MORC3: variants seen among roughly 807,000 people sequenced by gnomAD.
MORC3 encodes the protein MORC family CW-type zinc finger protein 3.
MORC3 carries 31 observed loss-of-function variants against 109.1 expected under a neutral mutation model. The observed-to-expected ratio is 0.28, with a 90% CI of 0.21 to 0.38. The LOEUF (loss-of-function observed/expected upper bound fraction) is 0.38, where lower values mean the gene tolerates loss of function less well. MORC3 is among the 10% of genes least tolerant of loss of function. MORC3 has a pLI of 1.00. For missense variants in MORC3, 867 were observed against 1,135.8 expected (o/e 0.76, Z 3.40); for synonymous variants, 395 against 380.7 (o/e 1.04, Z -0.44).
chr21:36,351,157 T>G (rs576184774), intron 9 of MORC3, among the ~76,000 whole-genome samples: 1 of 138,588 alleles, frequency 7.2e-6, no homozygotes, highest in South Asian at 2.5e-4. Flanking sequence ...AACCTCTGCC[T>G]CTGGGATTCA....
intron 15 of MORC3, among the ~76,000 whole-genome samples, chr21:36,370,155 C>T (rs1010427183): frequency 6.6e-6 from 1 of 152,174 alleles, no homozygotes; most frequent in African/African-American, 2.4e-5. Flanking sequence ...CTGCCGTGAG[C>T]CAAGATTGCA....
chr21:36,344,123 G>C (rs2085482197), intron 6 of MORC3, among the ~76,000 whole-genome samples: 1 of 151,854 alleles, frequency 6.6e-6, no homozygotes, highest in Admixed American at 6.6e-5. Flanking sequence ...TTTTAGTTTT[G>C]TGTTGAATCT....
rs570404223 is a variant in MORC3 at position 36,334,908 on chromosome 21, A to T, written c.112+1190A>T. On this transcript the variant is annotated intron_variant, in intron 2 of 16. Coordinates refer to ENST00000400485, the MANE Select transcript of MORC3 (RefSeq NM_015358.3). The stretch of plus-strand genomic sequence containing the variant: ...CACTTTGGGAGGCTGAGGCAGGAGG[A>T]TCACATGAGCCCAGGAGTTGGGGCC... 4.5e-4 allele frequency among the ~76,000 whole-genome samples: 69 copies of T among 152,270 alleles called. No individual in the cohort carries two copies. The South Asian group carries it at 0.014, about 31-fold the overall frequency.
chr21:36,342,669 G>T (rs1208194048), intron 6 of MORC3, among the ~76,000 whole-genome samples: 1 of 152,068 alleles, frequency 6.6e-6, no homozygotes. Context: ...CTCCCAAAGT[G>T]CTGGGATTAC....
At chr21:36,369,967 C>A in intron 15 of MORC3, 91 bp downstream of exon 15, 1 of 1,451,828 alleles carries the variant, frequency 6.9e-7, no homozygotes, top group Non-Finnish European at 9.3e-7. Context: ...TGGCTCATAC[C>A]TGTAATCCCA....
chr21:36,322,420 G>C (rs1354427159), intron 1 of MORC3, among the ~76,000 whole-genome samples: 1 of 152,064 alleles, frequency 6.6e-6, no homozygotes, highest in African/African-American at 2.4e-5. Context: ...TCTCCAGGCT[G>C]GAGTGCAGTG....
At chr21:36,357,747 T>G (rs11701726) in intron 10 of MORC3, among the ~76,000 whole-genome samples, 6 of 135,138 alleles carry the variant, frequency 4.4e-5, no homozygotes, top group African/African-American at 1.9e-4. Context: ...TTTTTTTTGG[T>G]TTTTTTTTTT....
At chr21:36,355,698 C>A (rs2146322918) in intron 9 of MORC3, among the ~76,000 whole-genome samples, 1 of 151,908 alleles carries the variant, frequency 6.6e-6, no homozygotes, top group East Asian at 1.9e-4. Context: ...CCCTGTAATC[C>A]CAGCACTTTG....
chr21:36,373,513 C>T (rs1432651606), intron 16 of MORC3, among the ~76,000 whole-genome samples: 1 of 151,920 alleles, frequency 6.6e-6, no homozygotes, highest in East Asian at 1.9e-4. Context: ...ACCCCAGCTA[C>T]TTGGGAGGCT....
chr21:36,346,821 A>G (rs1010502552), intron 8 of MORC3, among the ~76,000 whole-genome samples: 1 of 144,796 alleles, frequency 6.9e-6, no homozygotes, highest in Middle Eastern at 3.5e-3. Context: ...ACAAACAAAC[A>G]AACAAAAATC....
intron 2 of MORC3, 134 bp downstream of exon 2, chr21:36,333,852 G>C: frequency 2.9e-6 from 2 of 688,342 alleles, no homozygotes; most frequent in Non-Finnish European, 4.8e-6. Context: ...GCGCAGTCTC[G>C]GCTCACTGCA....
rs1264333872 is a variant in MORC3 at position 36,362,029 on chromosome 21, T to G, written c.1407-154T>G. Reference sequence around the variant, plus strand: ...GGCTAAAATTAGGGTGCTACTGAGATAAAAGGTAGAAAGTATTTCCTGAAG... The same window carrying G: ...GGCTAAAATTAGGGTGCTACTGAGAGAAAAGGTAGAAAGTATTTCCTGAAG... On this transcript the variant is annotated intron_variant, in intron 12 of 16. Transcript: ENST00000400485. 9 of 817,042 alleles carry G rather than the reference T, an allele frequency of 1.1e-5. No individual in the cohort carries two copies. The East Asian group carries it at 2.1e-4, about 19-fold the overall frequency. The allele number at this position is 817,042 out of a possible 1,614,324, so 50.6% of individuals were successfully genotyped here.
At position 36,369,955 on chromosome 21, in the gene MORC3, G is replaced by A. The variant is rs1223262354; in HGVS notation, c.2508+79G>A. The A allele has an allele frequency of 1.9e-5, 29 of 1,514,228 alleles. No individual in the cohort carries two copies. The South Asian group carries it at 2.2e-4, about 12-fold the overall frequency. The allele number at this position is 1,514,228 out of a possible 1,614,324, so 93.8% of individuals were successfully genotyped here. ...AAGAAGCTGCCAGTTGGCTGGGCGC[G>A]GTGGCTCATACCTGTAATCCCACCA... is the stretch of plus-strand genomic sequence containing the variant. On this transcript the variant is annotated intron_variant, in intron 15 of 16. Coordinates refer to ENST00000400485, the MANE Select transcript of MORC3 (RefSeq NM_015358.3).
chr21:36,348,774 C>T (rs1315614645), intron 8 of MORC3, among the ~76,000 whole-genome samples: 1 of 152,166 alleles, frequency 6.6e-6, no homozygotes, highest in Non-Finnish European at 1.5e-5. Context: ...TACTTGTCAA[C>T]AATCAAAGGG....
At chr21:36,348,705 G>C (rs982303846) in intron 8 of MORC3, among the ~76,000 whole-genome samples, 2 of 152,128 alleles carry the variant, frequency 1.3e-5, no homozygotes, top group African/African-American at 2.4e-5. Flanking sequence ...CATCGCCCCT[G>C]GCAGGTAGTC....
intron 8 of MORC3, among the ~76,000 whole-genome samples, chr21:36,347,349 G>A (rs1255677026): frequency 6.6e-6 from 1 of 152,168 alleles, no homozygotes; most frequent in African/African-American, 2.4e-5. Flanking sequence ...ACCACAGAAT[G>A]TAAATTTTTT....
At position 36,360,197 on chromosome 21, in the gene MORC3, C is replaced by A; in HGVS notation, c.1345C>A (p.Pro449Thr). Residue 449 changes from proline to threonine, a missense_variant, in exon 12 of 17, where the codon CCA becomes ACA. Physicochemically the swap from Pro to Thr is conservative, Grantham distance 38. Around this residue, in one of 7 missense-constraint regions of MORC3, gnomAD observed 120 missense variants for 259.7 expected, o/e 0.46. Transcript: ENST00000400485. ...TTTTCTGAATAGAAATTGTGAGGTT[C>A]CAGAAGAACCTGAAGATGAGGATTT... ...PDPQFRNCEV[P>T]EEPEDEDLVH... 6.2e-7 allele frequency: 1 copy of A among 1,614,056 alleles called. No homozygotes were observed. Among genetic ancestry groups the A allele is most frequent in the Non-Finnish European group, 8.5e-7 (1 of 1,180,026 alleles).
intron 10 of MORC3, among the ~76,000 whole-genome samples, chr21:36,359,292 A>G (rs1002420986): frequency 3.3e-5 from 5 of 152,090 alleles, no homozygotes; most frequent in Non-Finnish European, 5.9e-5. Flanking sequence ...TTTTGAAGGT[A>G]ACCAAAATGG....
At chr21:36,369,985 G>T in intron 15 of MORC3, 109 bp downstream of exon 15, 1 of 1,297,654 alleles carries the variant, frequency 7.7e-7, no homozygotes, top group East Asian at 2.3e-5. Flanking sequence ...CCACCACTTG[G>T]GGAGGCCAAG....
Sources: gnomAD v4.1 joint callset for allele counts (sites outside exome capture counted in the v4.1 genomes callset) on GRCh38, gnomAD v4.1.1 for gene constraint, gnomAD v4.1.1 regional missense constraint, MANE v1.5 for transcripts, NCBI Gene and HGNC (gene_info 2026-07-23, HGNC 2026-07-21) for gene names.